The following NRK variants were observed in gnomAD, a reference collection of about 807,000 sequenced individuals.
NRK encodes the protein Nik related kinase.
Under a neutral mutation model 125.2 loss-of-function variants are expected in NRK, and 67 were observed. The ratio of observed to expected loss-of-function variants is 0.54; its 90% CI spans 0.44 to 0.66. The LOEUF (loss-of-function observed/expected upper bound fraction) is 0.66. Ranked by LOEUF, NRK falls within the 30% of genes least tolerant of loss-of-function variation. The pLI is 0.00. For missense variants in NRK, 1,224 were observed against 1,192.9 expected, an observed-to-expected ratio of 1.03 and a Z score of -0.38; for synonymous variants, 458 against 429.0, an observed-to-expected ratio of 1.07 and a Z score of -0.84.
chrX:105,879,489 T>A (rs1036215865), intron 2 of NRK, among the ~76,000 whole-genome samples: 1 of 111,397 alleles, frequency 9.0e-6, no homozygotes, highest in African/African-American at 3.3e-5. Flanking sequence ...AAATTACAAA[T>A]CTGTAGCTTA....
intron 2 of NRK, among the ~76,000 whole-genome samples, chrX:105,862,343 A>C (rs1328237894): frequency 9.0e-6 from 1 of 111,221 alleles, no homozygotes; most frequent in Non-Finnish European, 1.9e-5. Context: ...GGTAATATAT[A>C]AATGTCATCA....
chrX:105,857,696 A>G (rs2147674316), intron 2 of NRK, among the ~76,000 whole-genome samples: 1 of 111,630 alleles, frequency 9.0e-6, no homozygotes, highest in African/African-American at 3.3e-5. Context: ...AGCTAATAGC[A>G]TGACTAAGAA....
chrX:105,841,541 G>T (rs1392231512), intron 2 of NRK, among the ~76,000 whole-genome samples: 1 of 111,263 alleles, frequency 9.0e-6, no homozygotes. Flanking sequence ...GTCCCTTTAT[G>T]ACTAGGGAAA....
chrX:105,896,273 A>G (rs2040081889), intron 7 of NRK, among the ~76,000 whole-genome samples: 1 of 111,898 alleles, frequency 8.9e-6, no homozygotes, highest in Admixed American at 9.5e-5. Context: ...AATCCCATGG[A>G]TATAGAGGAT....
Position 105,909,168 on chromosome X carries a change from A to G in NRK, c.1527A>G (p.Glu509=). The G allele has an allele frequency of 8.3e-7, 1 of 1,211,307 alleles. No individual in the cohort carries two copies. The highest frequency in any genetic ancestry group is 1.1e-6 in the Non-Finnish European group (1 of 895,279). The stretch of plus-strand genomic sequence containing the variant: ...AGCAGGCCCAGACCCAGACATCAGA[A>G]CCACAAGATTTGGACCAGGTACCAG... ...KKQQAQTQTS[E]PQDLDQVPEE... is the part of the protein sequence containing the mutation. The change falls in exon 13 of 29, where the codon GAA becomes GAG. Residue 509 remains glutamate (E), a synonymous_variant. Transcript: ENST00000243300.
At chrX:105,880,148 A>T in intron 2 of NRK, 51 bp from the exon 3 acceptor site, 7 of 586,626 alleles carry the variant, frequency 1.2e-5, no homozygotes, top group Non-Finnish European at 1.6e-5. Context: ...GCTTCTTGAT[A>T]GCTGGATTAC....
intron 26 of NRK, among the ~76,000 whole-genome samples, chrX:105,947,438 G>A (rs1297622331): frequency 1.1e-4 from 4 of 35,153 alleles, no homozygotes; most frequent in Admixed American, 9.4e-4. Context: ...GCGAGACTCC[G>A]TCTCAAAAAA....
rs1234434275 is a variant in NRK, at chrX:105,863,997, G to A, written c.124-16202G>A. On this transcript the variant is annotated intron_variant, in intron 2 of 28. Transcript: ENST00000243300. Reference sequence around the variant, plus strand: ...TCTTCCAAGCTTTATCTTATCCAAAGCAATTCAGTTGCATGAAAATAATAA... The same window carrying A: ...TCTTCCAAGCTTTATCTTATCCAAAACAATTCAGTTGCATGAAAATAATAA... Among the ~76,000 whole-genome samples, 7 of 112,435 alleles carry A rather than the reference G, an allele frequency of 6.2e-5. No homozygotes were observed. The East Asian group carries it at 2.0e-3, about 31-fold the overall frequency.
intron 2 of NRK, among the ~76,000 whole-genome samples, chrX:105,832,851 A>G (rs2039212400): frequency 9.1e-6 from 1 of 109,814 alleles, no homozygotes; most frequent in Non-Finnish European, 1.9e-5. Context: ...ACAAGACCCC[A>G]GCTCTACAAA....
chrX:105,921,428 A>G (rs1390462694), intron 16 of NRK, among the ~76,000 whole-genome samples: 3 of 106,917 alleles, frequency 2.8e-5, no homozygotes, highest in African/African-American at 6.9e-5. Context: ...ACATGTATAC[A>G]TATGTAACTA....
At chrX:105,855,411 T>C (rs1024001049) in intron 2 of NRK, among the ~76,000 whole-genome samples, 1 of 111,316 alleles carries the variant, frequency 9.0e-6, no homozygotes. Context: ...ACAGTGGGAA[T>C]GTGAGAGAGA....
At chrX:105,836,489 C>CT (rs1390720378) in intron 2 of NRK, among the ~76,000 whole-genome samples, 2 of 111,883 alleles carry the variant, frequency 1.8e-5, no homozygotes, top group Non-Finnish European at 1.9e-5. Flanking sequence ...GACTTTACCT[C>CT]TTTTTTTCTA....
At chrX:105,874,191 A>T (rs1044553237) in intron 2 of NRK, among the ~76,000 whole-genome samples, 1 of 111,436 alleles carries the variant, frequency 9.0e-6, no homozygotes, top group African/African-American at 3.3e-5. Flanking sequence ...CCACACTCCT[A>T]CATCTATCTC....
chrX:105,855,403 A>G (rs1420370067), intron 2 of NRK, among the ~76,000 whole-genome samples: 3 of 111,657 alleles, frequency 2.7e-5, no homozygotes, highest in African/African-American at 9.8e-5. Context: ...TACAAGTGAC[A>G]GTGGGAATGT....
chrX:105,922,973 C>T (rs1012990993), intron 17 of NRK, 145 bp from the exon 18 acceptor site: 2 of 513,070 alleles, frequency 3.9e-6, no homozygotes, highest in South Asian at 3.8e-5. Flanking sequence ...ATCTCATCCT[C>T]ACTAAAATTT....
At chrX:105,822,430 G>T (rs2039033037), upstream of NRK, 5 of 167,938 alleles carry the variant, frequency 3.0e-5, no homozygotes, top group Non-Finnish European at 3.3e-5. Context: ...CCGGGCGGCT[G>T]CCCACCTGGC....
chrX:105,924,334 A>T (rs1173927345), intron 18 of NRK, among the ~76,000 whole-genome samples: 2 of 111,461 alleles, frequency 1.8e-5, no homozygotes, highest in Non-Finnish European at 3.8e-5. Context: ...CATAGGCTTA[A>T]TCATTCATGT....
chrX:105,909,011 C>T lies in NRK; in HGVS notation c.1370C>T (p.Ala457Val), dbSNP rs747493092. Residue 457 changes from alanine to valine, a missense_variant, in exon 13 of 29, where the codon GCC (alanine) becomes GTC (valine). Coordinates refer to ENST00000243300, the MANE Select transcript of NRK (RefSeq NM_198465.4). ...MPLQAQVKAK[A>V]SKPLQMQIKA... ...CTACAGGCTCAGGTGAAGGCTAAGG[C>T]CTCTAAACCTCTACAAATGCAGATT... 9 of 1,208,896 alleles carry T rather than the reference C, an allele frequency of 7.4e-6. No homozygotes were observed. In the South Asian group the frequency reaches 1.6e-4, roughly 21 times the overall value.
Position 105,822,618 on chromosome X carries a change from A to G in NRK, c.-228A>G, listed in dbSNP as rs1602581111. 1 of 449,526 alleles carries G rather than the reference A, an allele frequency of 2.2e-6. No individual in the cohort carries two copies. Among genetic ancestry groups the G allele is most frequent in the Admixed American group, 3.2e-5 (1 of 30,967 alleles). The allele number at this position is 449,526 out of a possible 1,213,427, so 37.0% of individuals were successfully genotyped here. On this transcript the variant is annotated 5_prime_UTR_variant, in exon 1 of 29. Coordinates refer to ENST00000243300, the MANE Select transcript of NRK (RefSeq NM_198465.4). ...GACGCTCAGGCTCCTCTCTCGCCTT[A>G]GCCCAACTTGCTTTCCCGCCTCGCA...
Sources: allele counts gnomAD v4.1 joint callset (sites outside exome capture counted in the v4.1 genomes callset), GRCh38; gene constraint gnomAD v4.1.1; transcripts MANE v1.5; gene names NCBI Gene and HGNC (gene_info 2026-07-23, HGNC 2026-07-21).